Variants in FAM149A observed in about 807,000 individuals in gnomAD.
The protein encoded by FAM149A is protein FAM149A.
A neutral mutation model predicts 78.2 loss-of-function variants in FAM149A; 71 were observed. That is an observed-to-expected ratio of 0.91 (90% CI 0.75 to 1.11). FAM149A has a LOEUF of 1.11. FAM149A is among the 50% of genes least tolerant of loss of function. The pLI, the probability that FAM149A is intolerant of heterozygous loss-of-function variation, is 0.00. For missense variants in FAM149A, 1,036 were observed against 971.0 expected, an observed-to-expected ratio of 1.07 and a Z score of -0.89; for synonymous variants, 446 against 410.5, an observed-to-expected ratio of 1.09 and a Z score of -1.04.
intron 1 of FAM149A, among the ~76,000 whole-genome samples, chr4:186,121,402 G>T (rs1001399920): frequency 1.3e-5 from 2 of 151,978 alleles, no homozygotes; most frequent in Admixed American, 1.3e-4. Flanking sequence ...TAACATTTTG[G>T]ATCTTTTTTG....
chr4:186,128,266 G>A (rs540888107), intron 1 of FAM149A, among the ~76,000 whole-genome samples: 34 of 152,072 alleles, frequency 2.2e-4, no homozygotes, highest in Non-Finnish European at 4.1e-4. Flanking sequence ...TGAGATTACC[G>A]GCATGAGTCA....
chr4:186,106,608 T>G (rs2099308851), intron 1 of FAM149A, among the ~76,000 whole-genome samples: 1 of 152,140 alleles, frequency 6.6e-6, no homozygotes, highest in African/African-American at 2.4e-5. Flanking sequence ...TCACTCACAA[T>G]TTAAATAATT....
intron 1 of FAM149A, among the ~76,000 whole-genome samples, chr4:186,128,179 T>A (rs1281661699): frequency 6.7e-6 from 1 of 150,346 alleles, no homozygotes; most frequent in Non-Finnish European, 1.5e-5. Flanking sequence ...TTAGTAGAGA[T>A]GGCTTCACCA....
At chr4:186,169,176 G>A (rs1735321673) in intron 13 of FAM149A, 3 of 983,596 alleles carry the variant, frequency 3.1e-6, no homozygotes, top group Admixed American at 6.1e-5. Context: ...CAAATGCCAA[G>A]TCAGTGTATT....
Position 186,104,747 on chromosome 4 carries a change from C to CGGCGGGCGTCTGG in FAM149A, c.-322_-321insTCTGGGGCGGGCG, listed in dbSNP as rs1410080456. Among the ~76,000 whole-genome samples the CGGCGGGCGTCTGG allele has an allele frequency of 2.6e-4, 12 of 46,284 alleles. No individual in the cohort carries two copies. The highest frequency in any genetic ancestry group is 6.3e-4 in the Non-Finnish European group (9 of 14,276). 30.4% of individuals were successfully genotyped at this position (46,284 alleles called of 152,430 possible). A position where few individuals can be genotyped will look rare whatever the true frequency, so the allele number is the denominator to read the frequency against. On this transcript the variant is annotated 5_prime_UTR_variant, in exon 1 of 14. Transcript: ENST00000389354. ...GTGTGTTGAACGTAGCAACCGCGGG[C>CGGCGGGCGTCTGG]GGCGGGCGGCGGGCGGCGGGCGTCT... is the stretch of plus-strand genomic sequence containing the variant.
intron 11 of FAM149A, 71 bp downstream of exon 11, chr4:186,165,535 T>C (rs1734961380): frequency 1.3e-6 from 2 of 1,526,886 alleles, no homozygotes; most frequent in South Asian, 1.2e-5. Flanking sequence ...AAAACAACCT[T>C]GGCACTTCCA....
rs187972894 is a variant in FAM149A at position 186,155,924 on chromosome 4, G to A, written c.1230-76G>A. On this transcript the variant is annotated intron_variant, in intron 6 of 13. Coordinates refer to ENST00000389354, the MANE Select transcript of FAM149A (RefSeq NM_001367768.3). ...TTAATATATGTATACATGTACATACGTGAATGTGTGTAGATAGAATTATTT... is the reference window on the plus strand; with the variant it reads ...TTAATATATGTATACATGTACATACATGAATGTGTGTAGATAGAATTATTT... 4.4e-5 allele frequency: 51 copies of A among 1,160,402 alleles called. 1 individual carries two copies. The highest frequency in any genetic ancestry group is 8.9e-5 in the South Asian group (6 of 67,534). 71.9% of individuals were successfully genotyped at this position (1,160,402 alleles called of 1,614,324 possible). A position where few individuals can be genotyped will look rare whatever the true frequency, so the allele number is the denominator to read the frequency against.
At chr4:186,121,722 T>A (rs915354177) in intron 1 of FAM149A, among the ~76,000 whole-genome samples, 1 of 152,020 alleles carries the variant, frequency 6.6e-6, no homozygotes, top group African/African-American at 2.4e-5. Flanking sequence ...AAACGATGAG[T>A]GTGGTGCTGC....
In FAM149A at chr4:186,105,309, A is replaced by T; in HGVS notation, c.233A>T (p.Tyr78Phe). Residue 78 changes from tyrosine to phenylalanine, a missense_variant, in exon 1 of 14, where the codon TAC (tyrosine) becomes TTC (phenylalanine). Coordinates refer to ENST00000389354, the MANE Select transcript of FAM149A (RefSeq NM_001367768.3). ...CCCGCCCCGCTGCTCTCCTCCCCCTACTCCCGGGGCTCCGCCGCCAGCCGC... is the reference window on the plus strand; with the variant it reads ...CCCGCCCCGCTGCTCTCCTCCCCCTTCTCCCGGGGCTCCGCCGCCAGCCGC... 4 of 1,159,966 alleles carry T rather than the reference A, an allele frequency of 3.4e-6. No individual in the cohort carries two copies. The highest frequency in any genetic ancestry group is 4.3e-6 in the Non-Finnish European group (4 of 934,998). 71.9% of individuals were successfully genotyped at this position (1,159,966 alleles called of 1,614,324 possible).
intron 3 of FAM149A, chr4:186,151,691 A>G: frequency 9.2e-6 from 9 of 983,348 alleles, no homozygotes; most frequent in Non-Finnish European, 1.1e-5. Flanking sequence ...TCTATTTAAC[A>G]GTAAAAGAAT....
Position 186,156,036 on chromosome 4 carries a change from C to T in FAM149A, c.1266C>T (p.Pro422=), listed in dbSNP as rs768225420. The T allele has an allele frequency of 3.2e-5, 51 of 1,613,536 alleles. No individual in the cohort carries two copies. The South Asian group carries it at 4.3e-4, about 14-fold the overall frequency. The change falls in exon 7 of 14, where the codon CCC becomes CCT. Residue 422 remains proline, a synonymous_variant. Transcript: ENST00000389354. ...GTCTTGAACAAAAACCAGCTCAGCC[C>T]GGTAGGAAATGGCGCAAACTCGGAC...
chr4:186,152,051 A>G lies in FAM149A; in HGVS notation c.932+6A>G. 1 of 1,613,258 alleles carries G rather than the reference A, an allele frequency of 6.2e-7. No homozygotes were observed. The highest frequency in any genetic ancestry group is 2.2e-5 in the East Asian group (1 of 44,874). On this transcript the variant is annotated splice_donor_region_variant and intron_variant, in intron 4 of 13. Coordinates refer to ENST00000389354, the MANE Select transcript of FAM149A (RefSeq NM_001367768.3). Reference sequence around the variant, plus strand: ...AGAAGATCCCTCCATTTGAGGTGGGACCTTGGTGGTGGAAGTTCTCTGGGG... The same window carrying G: ...AGAAGATCCCTCCATTTGAGGTGGGGCCTTGGTGGTGGAAGTTCTCTGGGG...
chr4:186,123,430 C>T (rs1007295911), intron 1 of FAM149A: 1 of 933,190 alleles, frequency 1.1e-6, no homozygotes, highest in South Asian at 4.9e-5. Flanking sequence ...CCTGTATGTT[C>T]TTGCTGGATA....
chr4:186,150,362 G>T (rs6814694), intron 3 of FAM149A, among the ~76,000 whole-genome samples: 104,705 of 136,940 alleles, frequency 0.76, 39,571 homozygotes, highest in Non-Finnish European at 0.84. Context: ...TGGGTGTTTT[G>T]TTGTTGTTGT....
At chr4:186,105,684 G>T (rs2099308449) in intron 1 of FAM149A, 42 bp downstream of exon 1, 1 of 1,023,636 alleles carries the variant, frequency 9.8e-7, no homozygotes, top group Non-Finnish European at 1.2e-6. Context: ...CTTTTGCCGG[G>T]ACCCCCGACC....
intron 1 of FAM149A, among the ~76,000 whole-genome samples, chr4:186,130,795 TG>T (rs2099320480): frequency 6.6e-6 from 1 of 152,146 alleles, no homozygotes; most frequent in Non-Finnish European, 1.5e-5. Context: ...AGTATGTTAC[TG>T]ATGCAAAGGT....
chr4:186,153,338 A>C (rs1733762795), intron 4 of FAM149A: 1 of 929,540 alleles, frequency 1.1e-6, no homozygotes. Flanking sequence ...TAGACACCTG[A>C]GTCTGTCATA....
chr4:186,167,182 A>T lies in FAM149A; in HGVS notation c.2140-2A>T, dbSNP rs750056123. 5 of 1,607,786 alleles carry T rather than the reference A, an allele frequency of 3.1e-6. No homozygotes were observed. Among genetic ancestry groups the T allele is most frequent in the Non-Finnish European group, 3.4e-6 (4 of 1,174,738 alleles). ...TCCCTGATTTTATTTTTCTTCCAGC[A>T]GTCGGATACGCCTCGAAAAAGTTCA... On this transcript the variant is annotated splice_acceptor_variant, in intron 12 of 13. Transcript: ENST00000389354. LOFTEE classifies it high-confidence loss of function.
rs147956772 is a variant in FAM149A, at chr4:186,133,917, A to G, written c.567-15256A>G. 2.1e-3 allele frequency among the ~76,000 whole-genome samples: 324 copies of G among 152,170 alleles called. 1 individual carries two copies. The highest frequency in any genetic ancestry group is 7.4e-3 in the African/African-American group (308 of 41,520). ...GTGATCAGCCCACCTCAGCCTCCCA[A>G]AGTGTTGGGATTACAGGTATGAGCC... On this transcript the variant is annotated intron_variant, in intron 1 of 13. Transcript: ENST00000389354.
Sources: allele counts gnomAD v4.1 joint callset (sites outside exome capture counted in the v4.1 genomes callset), GRCh38; gene constraint gnomAD v4.1.1; transcripts MANE v1.5; gene names NCBI Gene and HGNC (gene_info 2026-07-23, HGNC 2026-07-21).